Variants in ASAP1 observed in about 807,000 individuals in gnomAD.
ASAP1 encodes arf-GAP with SH3 domain, ANK repeat and PH domain-containing protein 1.
In ASAP1, 43 loss-of-function variants were observed where a neutral mutation model predicts 145.2. That is an observed-to-expected ratio of 0.30 (90% CI 0.23 to 0.38). The LOEUF (loss-of-function observed/expected upper bound fraction) is 0.38. ASAP1 is among the 10% of genes least tolerant of loss of function. The pLI is 1.00. For synonymous variants in ASAP1, 546 were observed against 515.5 expected (o/e 1.06, Z -0.80); for missense variants, 1,018 against 1,355.3 (o/e 0.75, Z 3.91).
In ASAP1 at chr8:130,064,892, A is replaced by AGTGT. The variant is rs1564918831; in HGVS notation, c.2702-3824_2702-3823insACAC. 1.2e-3 allele frequency among the ~76,000 whole-genome samples: 127 copies of AGTGT among 106,020 alleles called. 1 individual carries two copies. The highest frequency in any genetic ancestry group is 4.5e-3 in the African/African-American group (115 of 25,392). The allele number at this position is 106,020 out of a possible 152,430, so 69.6% of individuals were successfully genotyped here. A position where few individuals can be genotyped will look rare whatever the true frequency, so the allele number is the denominator to read the frequency against. ...TACCTAAGTTTATCAGTTTACTAAG[A>AGTGT]ATGTGTGTGTGTGTGTGTGTGTGTG... On this transcript the variant is annotated intron_variant, in intron 27 of 29. Transcript: ENST00000518721.
At chr8:130,251,654 C>T (rs1040299969) in intron 3 of ASAP1, among the ~76,000 whole-genome samples, 4 of 152,018 alleles carry the variant, frequency 2.6e-5, no homozygotes, top group Non-Finnish European at 2.9e-5. Context: ...TTAGACATAT[C>T]GAAGTTGACA....
At chr8:130,243,938 C>T (rs1818696199) in intron 3 of ASAP1, among the ~76,000 whole-genome samples, 1 of 152,192 alleles carries the variant, frequency 6.6e-6, no homozygotes, top group Non-Finnish European at 1.5e-5. Flanking sequence ...CTATCCTGTT[C>T]ATGGCAATGT....
chr8:130,240,800 T>TA (rs1270848869), intron 3 of ASAP1, among the ~76,000 whole-genome samples: 3 of 152,144 alleles, frequency 2.0e-5, no homozygotes, highest in Non-Finnish European at 2.9e-5. Context: ...CCAACCTTGA[T>TA]ACGAAGACTT....
intron 2 of ASAP1, among the ~76,000 whole-genome samples, chr8:130,378,222 A>G (rs561611306): frequency 6.6e-5 from 10 of 152,316 alleles, no homozygotes; most frequent in Middle Eastern, 6.8e-3. Flanking sequence ...AGAGTGCCTC[A>G]ATGCTGACAA....
At chr8:130,248,274 T>A (rs967742719) in intron 3 of ASAP1, among the ~76,000 whole-genome samples, 3 of 152,038 alleles carry the variant, frequency 2.0e-5, no homozygotes, top group Admixed American at 6.6e-5. Context: ...GGCTCCTACA[T>A]CTACAAAGAC....
intron 12 of ASAP1, among the ~76,000 whole-genome samples, chr8:130,153,167 C>T (rs1408054858): frequency 6.6e-6 from 1 of 151,036 alleles, no homozygotes. Context: ...TTACAGGCTC[C>T]TGCCACTGCG....
intron 24 of ASAP1, among the ~76,000 whole-genome samples, chr8:130,108,262 C>A (rs2097540874): frequency 6.6e-6 from 1 of 152,206 alleles, no homozygotes; most frequent in African/African-American, 2.4e-5. Context: ...CAGGTATTCA[C>A]ATGCTATTGA....
chr8:130,278,892 T>C (rs1821086161), intron 3 of ASAP1, among the ~76,000 whole-genome samples: 2 of 152,120 alleles, frequency 1.3e-5, no homozygotes, highest in Non-Finnish European at 2.9e-5. Flanking sequence ...CCCTCACAAT[T>C]AGAGAGTGTT....
intron 2 of ASAP1, among the ~76,000 whole-genome samples, chr8:130,379,667 A>G (rs1479308766): frequency 6.6e-6 from 1 of 152,188 alleles, no homozygotes; most frequent in African/African-American, 2.4e-5. Flanking sequence ...TTGGAGTCAG[A>G]AGTGGTGTCA....
Position 130,358,571 on chromosome 8 carries a change from G to C in ASAP1, c.60-428C>G, listed in dbSNP as rs1826500587. The stretch of plus-strand genomic sequence containing the variant: ...CGCTGCCTCCTCAGACGCGCTGACA[G>C]GCGGCGGCGCGGGCCTGACTGACTG... On this transcript the variant is annotated intron_variant, in intron 2 of 29. Transcript: ENST00000518721. This position sits in a 1 kb window ranked among gnomAD's most constrained non-coding sequence, Gnocchi z 4.1. Among the ~76,000 whole-genome samples, 1 of 147,638 alleles carries C rather than the reference G, an allele frequency of 6.8e-6. No homozygotes were observed. The highest frequency in any genetic ancestry group is 1.5e-5 in the Non-Finnish European group (1 of 66,234).
chr8:130,398,830 A>C (rs1313641672), intron 2 of ASAP1, among the ~76,000 whole-genome samples: 1 of 152,240 alleles, frequency 6.6e-6, no homozygotes, highest in Non-Finnish European at 1.5e-5. Context: ...TCCAGAATGC[A>C]AACTCCAGCA....
chr8:130,403,554 C>CTGT (rs1828893728), intron 1 of ASAP1, among the ~76,000 whole-genome samples: 1 of 125,398 alleles, frequency 8.0e-6, no homozygotes, highest in African/African-American at 3.1e-5. Context: ...TTTTCTTTTT[C>CTGT]TTTTTTTTTT....
rs141423112 is a variant in ASAP1 at position 130,145,199 on chromosome 8, T to C, written c.1080+7537A>G. ...TTTTTAAATTCACATTTCCTATTAA[T>C]TTCAGTAGCCACTTTACGTCATGCT... On this transcript the variant is annotated intron_variant, in intron 13 of 29. Transcript: ENST00000518721. Among the ~76,000 whole-genome samples the C allele has an allele frequency of 5.3e-4, 80 of 152,360 alleles. 1 individual carries two copies. In the East Asian group the frequency reaches 0.015, roughly 29 times the overall value.
intron 9 of ASAP1, among the ~76,000 whole-genome samples, chr8:130,174,922 G>A (rs183169698): frequency 6.6e-6 from 1 of 152,212 alleles, no homozygotes; most frequent in East Asian, 1.9e-4. Flanking sequence ...GGGTGTTTCC[G>A]TGTTTTGTTT....
At chr8:130,106,145 A>G (rs2097536462) in intron 24 of ASAP1, among the ~76,000 whole-genome samples, 1 of 152,174 alleles carries the variant, frequency 6.6e-6, no homozygotes, top group African/African-American at 2.4e-5. Context: ...TACAAAGGAC[A>G]GGGGGAAAGG....
At chr8:130,308,969 G>C (rs898392315) in intron 3 of ASAP1, among the ~76,000 whole-genome samples, 1 of 152,142 alleles carries the variant, frequency 6.6e-6, no homozygotes, top group Admixed American at 6.5e-5. Context: ...GGCAGTTGAG[G>C]GAAAGGGAGC....
chr8:130,309,197 G>A (rs900314025), intron 3 of ASAP1, among the ~76,000 whole-genome samples: 3 of 152,098 alleles, frequency 2.0e-5, no homozygotes, highest in Non-Finnish European at 2.9e-5. Flanking sequence ...GCTTGCTTTG[G>A]GGCATAGTCC....
chr8:130,300,955 A>C (rs960012029), intron 3 of ASAP1, among the ~76,000 whole-genome samples: 1 of 152,114 alleles, frequency 6.6e-6, no homozygotes, highest in African/African-American at 2.4e-5. Flanking sequence ...CCTCATTGCC[A>C]TCCTATGTCT....
At chr8:130,114,151 C>T (rs1592832524) in intron 23 of ASAP1, among the ~76,000 whole-genome samples, 1 of 152,244 alleles carries the variant, frequency 6.6e-6, no homozygotes, top group Non-Finnish European at 1.5e-5. Flanking sequence ...ATTTAATGAA[C>T]ATCATTCCTT....
Sources: allele counts gnomAD v4.1 joint callset (sites outside exome capture counted in the v4.1 genomes callset), GRCh38; gene constraint gnomAD v4.1.1; non-coding constraint Gnocchi (gnomAD v3.1); transcripts MANE v1.5; gene names NCBI Gene and HGNC (gene_info 2026-07-23, HGNC 2026-07-21).